ASIC2: variants seen among roughly 807,000 people sequenced by gnomAD.
ASIC2 encodes the protein acid-sensing ion channel 2.
Under a neutral mutation model 57.3 loss-of-function variants are expected in ASIC2, and 25 were observed. The ratio of observed to expected loss-of-function variants is 0.44; its 90% confidence interval spans 0.32 to 0.61. The LOEUF (loss-of-function observed/expected upper bound fraction) is 0.61. ASIC2 is among the 20% of genes least tolerant of loss of function. The pLI, the probability that ASIC2 is intolerant of heterozygous loss-of-function variation, is 0.06. For missense variants in ASIC2, 641 were observed against 738.1 expected (o/e 0.87, Z 1.52); for synonymous variants, 319 against 307.5 (o/e 1.04, Z -0.39).
chr17:33,841,319 G>C (rs1429771075), intron 1 of ASIC2, among the ~76,000 whole-genome samples: 1 of 152,242 alleles, frequency 6.6e-6, no homozygotes, highest in Non-Finnish European at 1.5e-5. Flanking sequence ...AGTGCTATGA[G>C]AGACTGAAAA....
intron 1 of ASIC2, among the ~76,000 whole-genome samples, chr17:33,775,216 C>T (rs1293324295): frequency 6.6e-6 from 1 of 152,150 alleles, no homozygotes; most frequent in Non-Finnish European, 1.5e-5. Flanking sequence ...GCTACTGCAG[C>T]CTCCTCACAT....
chr17:33,839,208 C>T (rs1461127281), intron 1 of ASIC2, among the ~76,000 whole-genome samples: 2 of 152,124 alleles, frequency 1.3e-5, no homozygotes, highest in Non-Finnish European at 2.9e-5. Context: ...AACTTCAGAA[C>T]CTATGAAATG....
intron 1 of ASIC2, among the ~76,000 whole-genome samples, chr17:33,739,406 A>G (rs962617881): frequency 1.3e-5 from 2 of 152,248 alleles, no homozygotes; most frequent in African/African-American, 4.8e-5. Context: ...CCTTAGACAG[A>G]TCTCCTAAGC....
chr17:34,146,638 C>T (rs964171499), intron 1 of ASIC2: 1 of 150,950 alleles, frequency 6.6e-6, no homozygotes, highest in South Asian at 2.1e-4. Context: ...CCACTGGCTG[C>T]CCCCAGGTGG....
intron 3 of ASIC2, among the ~76,000 whole-genome samples, chr17:33,028,899 A>G (rs1021557956): frequency 5.9e-5 from 9 of 152,210 alleles, no homozygotes; most frequent in African/African-American, 2.2e-4. Flanking sequence ...TCTAGGCACT[A>G]TCCTTCTTAT....
At chr17:34,154,511 G>A (rs558046268) in intron 1 of ASIC2, among the ~76,000 whole-genome samples, 12 of 152,246 alleles carry the variant, frequency 7.9e-5, no homozygotes, top group African/African-American at 2.2e-4. Flanking sequence ...CACAGACTGC[G>A]AGAGGCAATG....
chr17:33,636,167 A>C (rs1050575815), intron 1 of ASIC2, among the ~76,000 whole-genome samples: 2 of 152,250 alleles, frequency 1.3e-5, no homozygotes, highest in Admixed American at 6.5e-5. Context: ...ATATTAATAC[A>C]GATTCAAAAT....
chr17:33,975,335 T>C (rs565930096), intron 1 of ASIC2, among the ~76,000 whole-genome samples: 20 of 152,252 alleles, frequency 1.3e-4, no homozygotes, highest in African/African-American at 4.8e-4. Flanking sequence ...TCTAGTCCTC[T>C]TCCAGGGGAA....
intron 1 of ASIC2, among the ~76,000 whole-genome samples, chr17:33,460,872 G>T (rs1433616578): frequency 6.6e-6 from 1 of 152,196 alleles, no homozygotes; most frequent in Non-Finnish European, 1.5e-5. Flanking sequence ...ACCATCCTGT[G>T]CAACTGTAGT....
intron 3 of ASIC2, among the ~76,000 whole-genome samples, chr17:33,038,014 A>T (rs2091916146): frequency 1.3e-5 from 2 of 152,192 alleles, no homozygotes; most frequent in Non-Finnish European, 2.9e-5. Flanking sequence ...TAGACCTTAA[A>T]TCTACTATTC....
chr17:33,810,534 C>T (rs941742033), intron 1 of ASIC2, among the ~76,000 whole-genome samples: 4 of 152,140 alleles, frequency 2.6e-5, no homozygotes, highest in African/African-American at 7.2e-5. Flanking sequence ...CTGCCCATCT[C>T]CCTTCTCTCC....
intron 1 of ASIC2, among the ~76,000 whole-genome samples, chr17:33,172,097 AGCAGTGAATCTGTTTTT>A (rs1303823870): frequency 2.6e-5 from 4 of 152,230 alleles, no homozygotes; most frequent in African/African-American, 9.6e-5. Flanking sequence ...GATAGGAAGG[AGCAGTGAATCTGTTTTT>A]GCTCATGATT....
chr17:33,246,504 G>C (rs1458803765), intron 1 of ASIC2, among the ~76,000 whole-genome samples: 1 of 152,202 alleles, frequency 6.6e-6, no homozygotes, highest in Non-Finnish European at 1.5e-5. Context: ...AGGCCTGGCA[G>C]CCAGATCAGT....
At chr17:33,146,997 C>T (rs376088062) in intron 1 of ASIC2, among the ~76,000 whole-genome samples, 2 of 152,164 alleles carry the variant, frequency 1.3e-5, no homozygotes, top group South Asian at 2.1e-4. Context: ...TTCCATTTTG[C>T]TCCTTGATAT....
chr17:33,584,932 A>T (rs996168481), intron 1 of ASIC2, among the ~76,000 whole-genome samples: 1 of 152,030 alleles, frequency 6.6e-6, no homozygotes, highest in Non-Finnish European at 1.5e-5. Context: ...ATGATGGGGG[A>T]TGGAGGGAAA....
chr17:33,931,117 C>G (rs562886402), intron 1 of ASIC2: 3 of 152,110 alleles, frequency 2.0e-5, no homozygotes, highest in Non-Finnish European at 4.4e-5. Context: ...AAAAGAACCC[C>G]TCAGAAACCG....
At chr17:34,027,340 T>C (rs1181914640) in intron 1 of ASIC2, among the ~76,000 whole-genome samples, 2 of 152,208 alleles carry the variant, frequency 1.3e-5, no homozygotes, top group Non-Finnish European at 2.9e-5. Flanking sequence ...ATCATTTAAG[T>C]TCGCTGACAT....
chr17:33,656,433 A>G (rs280048), intron 1 of ASIC2, among the ~76,000 whole-genome samples: 125,268 of 152,114 alleles, frequency 0.82, 51,788 homozygotes, highest in African/African-American at 0.88. Context: ...CCAACATTGC[A>G]AATGGCCTAA....
At position 33,013,993 on chromosome 17, in the gene ASIC2, A is replaced by T. The variant is rs1160574264; in HGVS notation, c.1664T>A (p.Leu555Gln). ...HTVNVPLQTT[L>Q]GTLEEIAC ...GCAGGCAATCTCCTCCAAGGTCCCC[A>T]GGGTCGTCTGCAGGGGCACGTTCAC... The change falls in exon 10 of 10, where the codon CTG becomes CAG. Residue 555 changes from leucine to glutamine, a missense_variant. This residue lies in a region of ASIC2 where 252 missense variants were observed against 319.8 expected (regional missense o/e 0.79). Transcript: ENST00000225823. The T allele has an allele frequency of 6.2e-7, 1 of 1,601,298 alleles. No homozygotes were observed. The highest frequency in any genetic ancestry group is 1.3e-5 in the African/African-American group (1 of 74,756).
Sources: gnomAD v4.1 joint callset for allele counts (sites outside exome capture counted in the v4.1 genomes callset) on GRCh38, gnomAD v4.1.1 for gene constraint, gnomAD v4.1.1 regional missense constraint, MANE v1.5 for transcripts, NCBI Gene and HGNC (gene_info 2026-07-23, HGNC 2026-07-21) for gene names.